Variants in GALNT14 observed in about 807,000 individuals in gnomAD.
The protein encoded by GALNT14 is UDP-GalNAc:polypeptide N-acetylgalactosaminyltransferase 14.
GALNT14 carries 60 observed loss-of-function variants against 77.5 expected under a neutral mutation model. The observed-to-expected ratio is 0.77, with a 90% CI of 0.63 to 0.96. The LOEUF is 0.96. GALNT14 is among the 40% of genes least tolerant of loss of function. The pLI is 0.00. For missense variants in GALNT14, 710 were observed against 731.0 expected (o/e 0.97, Z 0.33); for synonymous variants, 280 against 281.7 (o/e 0.99, Z 0.06).
At chr2:30,911,377 C>T (rs985703433) in intron 14 of GALNT14, among the ~76,000 whole-genome samples, 8 of 152,168 alleles carry the variant, frequency 5.3e-5, no homozygotes, top group South Asian at 2.1e-4. Context: ...AAACGATCCA[C>T]ACTCAGCATC....
At chr2:30,896,181 C>G in the GALNT14 span, among the ~76,000 whole-genome samples, 1 of 152,250 alleles carries the variant, frequency 6.6e-6, no homozygotes, top group Non-Finnish European at 1.5e-5. Context: ...TCTCCCTTCC[C>G]TACCTAACAA....
intron 1 of GALNT14, among the ~76,000 whole-genome samples, chr2:31,037,437 C>T (rs1672808732): frequency 6.6e-6 from 1 of 152,180 alleles, no homozygotes; most frequent in Non-Finnish European, 1.5e-5. Flanking sequence ...GTTATTTGAA[C>T]ATATTTTAAG....
At chr2:30,991,197 G>A (rs1012635982) in intron 2 of GALNT14, 1 of 151,920 alleles carries the variant, frequency 6.6e-6, no homozygotes, top group African/African-American at 2.4e-5. Flanking sequence ...TCTCTCGGGG[G>A]GCTGTCATCC....
intron 1 of GALNT14, among the ~76,000 whole-genome samples, chr2:31,016,699 C>G (rs1671386931): frequency 6.6e-6 from 1 of 152,176 alleles, no homozygotes; most frequent in African/African-American, 2.4e-5. Flanking sequence ...TGAGCAATCT[C>G]TTCTCCAAGG....
At chr2:30,925,615 A>G (rs1021659976) in intron 11 of GALNT14, among the ~76,000 whole-genome samples, 5 of 152,220 alleles carry the variant, frequency 3.3e-5, no homozygotes, top group African/African-American at 1.2e-4. Context: ...GCGGGCAGGA[A>G]GAGTGCTGCA....
Position 30,952,658 on chromosome 2 carries a change from C to T in GALNT14, c.654+2960G>A, listed in dbSNP as rs371296407. Among the ~76,000 whole-genome samples the T allele has an allele frequency of 1.7e-4, 25 of 147,570 alleles. No individual in the cohort carries two copies. In the East Asian group the frequency reaches 3.4e-3, roughly 20 times the overall value. On this transcript the variant is annotated intron_variant, in intron 6 of 14. Coordinates refer to ENST00000349752, the MANE Select transcript of GALNT14 (RefSeq NM_024572.4). ...ATAGCATCGGGAGATATACCTAATG[C>T]TAGATGACGAGTTAGTGGGTGCAGC... is the stretch of plus-strand genomic sequence containing the variant.
intron 1 of GALNT14, among the ~76,000 whole-genome samples, chr2:31,071,474 C>A (rs567794085): frequency 1.3e-5 from 2 of 152,286 alleles, no homozygotes; most frequent in South Asian, 4.1e-4. Flanking sequence ...AAACTGGTGT[C>A]AAGTAACATG....
At chr2:30,949,393 G>A (rs1013437678) in intron 6 of GALNT14, among the ~76,000 whole-genome samples, 1 of 152,036 alleles carries the variant, frequency 6.6e-6, no homozygotes, top group Non-Finnish European at 1.5e-5. Context: ...CTCAATTAAA[G>A]CACCGAGGCA....
intron 1 of GALNT14, among the ~76,000 whole-genome samples, chr2:30,995,313 C>G (rs953144790): frequency 6.6e-6 from 1 of 152,094 alleles, no homozygotes; most frequent in Admixed American, 6.6e-5. Flanking sequence ...TGTTTAGATA[C>G]ACACATACTT....
chr2:30,923,397 A>G (rs1017785811), intron 13 of GALNT14, among the ~76,000 whole-genome samples: 3 of 152,164 alleles, frequency 2.0e-5, no homozygotes, highest in Admixed American at 1.3e-4. Context: ...GAGACAGGCT[A>G]TGAATTTGTC....
intron 1 of GALNT14, among the ~76,000 whole-genome samples, chr2:31,011,967 G>A (rs190007156): frequency 2.6e-5 from 4 of 152,208 alleles, no homozygotes; most frequent in Admixed American, 2.6e-4. Flanking sequence ...TTCAGCTGAT[G>A]CCCAGGAGCT....
intron 1 of GALNT14, among the ~76,000 whole-genome samples, chr2:31,017,084 C>T (rs572581246): frequency 6.6e-6 from 1 of 152,334 alleles, no homozygotes; most frequent in South Asian, 2.1e-4. Context: ...CTAATTTGGA[C>T]CCCAGTCTGT....
At chr2:31,043,418 C>T (rs1359323259) in intron 1 of GALNT14, among the ~76,000 whole-genome samples, 8 of 152,208 alleles carry the variant, frequency 5.3e-5, no homozygotes, top group Admixed American at 3.3e-4. Flanking sequence ...TTGTCTTGTC[C>T]ATAGTAGCTC....
intron 1 of GALNT14, among the ~76,000 whole-genome samples, chr2:31,006,528 G>A (rs1299346207): frequency 2.0e-5 from 3 of 152,130 alleles, no homozygotes; most frequent in South Asian, 2.1e-4. Context: ...GTCAGTGGAG[G>A]TGCTGGGATG....
At chr2:30,903,866 G>A in the GALNT14 span, among the ~76,000 whole-genome samples, 1 of 152,214 alleles carries the variant, frequency 6.6e-6, no homozygotes, top group East Asian at 1.9e-4. Flanking sequence ...GGCATATTTT[G>A]GGAACTTCAT....
At chr2:31,083,841 A>G (rs1229170927) in intron 1 of GALNT14, among the ~76,000 whole-genome samples, 3 of 152,142 alleles carry the variant, frequency 2.0e-5, no homozygotes, top group African/African-American at 7.2e-5. Context: ...CAGTTACACA[A>G]CCTTGCACCT....
At chr2:30,956,059 G>A (rs1667351846) in intron 4 of GALNT14, 82 bp from the exon 5 acceptor site, 1 of 1,406,310 alleles carries the variant, frequency 7.1e-7, no homozygotes, top group East Asian at 2.3e-5. Flanking sequence ...AGGTGAACCT[G>A]AAGGGTAGGT....
downstream of GALNT14, among the ~76,000 whole-genome samples, chr2:30,910,126 G>T (rs1474703807): frequency 8.6e-5 from 13 of 151,264 alleles, no homozygotes; most frequent in East Asian, 2.5e-3. Context: ...CGAGTTAGTG[G>T]GTGCAGTGCA....
chr2:31,105,893 C>A (rs532738924), intron 1 of GALNT14, among the ~76,000 whole-genome samples: 2 of 152,120 alleles, frequency 1.3e-5, no homozygotes, highest in Non-Finnish European at 2.9e-5. Flanking sequence ...ACTTTTCTAG[C>A]CTTCCTTCTT....
Sources: gnomAD v4.1 joint callset for allele counts (sites outside exome capture counted in the v4.1 genomes callset) on GRCh38, gnomAD v4.1.1 for gene constraint, MANE v1.5 for transcripts, NCBI Gene and HGNC (gene_info 2026-07-23, HGNC 2026-07-21) for gene names.